Variants in CDH20 observed in about 807,000 individuals in gnomAD.
CDH20 encodes cadherin 20, also known as cadherin-20.
CDH20 carries 29 observed loss-of-function variants against 74.2 expected under a neutral mutation model. The ratio of observed to expected loss-of-function variants is 0.39; its 90% CI spans 0.29 to 0.53. The LOEUF (loss-of-function observed/expected upper bound fraction) is 0.53, where lower values mean the gene tolerates loss of function less well. CDH20 is among the 20% of genes least tolerant of loss of function. The pLI is 0.69. For missense variants in CDH20, 988 were observed against 1,048.3 expected (o/e 0.94, Z 0.79); for synonymous variants, 469 against 405.4 (o/e 1.16, Z -1.88).
chr18:61,547,835 A>G (rs1913305871), intron 10 of CDH20, among the ~76,000 whole-genome samples: 1 of 152,146 alleles, frequency 6.6e-6, no homozygotes, highest in Non-Finnish European at 1.5e-5. Flanking sequence ...AGTGGCTACT[A>G]TATGCCAGGC....
At chr18:61,483,745 A>G (rs1355879116) in intron 1 of CDH20, among the ~76,000 whole-genome samples, 2 of 152,348 alleles carry the variant, frequency 1.3e-5, no homozygotes, top group South Asian at 2.1e-4. Context: ...CAAATGTCTA[A>G]GAGTTTCATA....
intron 1 of CDH20, among the ~76,000 whole-genome samples, chr18:61,349,309 G>T (rs1046283953): frequency 2.0e-5 from 3 of 152,164 alleles, no homozygotes; most frequent in Non-Finnish European, 4.4e-5. Flanking sequence ...CTTTCCCAGG[G>T]AAAACAGAAG....
chr18:61,525,886 A>G (rs954134906), intron 6 of CDH20, among the ~76,000 whole-genome samples: 5 of 151,714 alleles, frequency 3.3e-5, no homozygotes, highest in Admixed American at 2.6e-4. Context: ...AGCTCACTCT[A>G]AACTGAGCTC....
chr18:61,482,467 C>G (rs1428968607), intron 1 of CDH20, among the ~76,000 whole-genome samples: 1 of 152,172 alleles, frequency 6.6e-6, no homozygotes, highest in African/African-American at 2.4e-5. Context: ...CTTCCCTCCC[C>G]TGGATCCTTG....
chr18:61,361,090 A>C (rs1344203005), intron 1 of CDH20, among the ~76,000 whole-genome samples: 2 of 152,228 alleles, frequency 1.3e-5, no homozygotes, highest in Non-Finnish European at 2.9e-5. Flanking sequence ...AACATATGTA[A>C]CAAACCCTGT....
At chr18:61,485,997 C>G (rs980664649) in intron 1 of CDH20, among the ~76,000 whole-genome samples, 1 of 152,086 alleles carries the variant, frequency 6.6e-6, no homozygotes, top group Non-Finnish European at 1.5e-5. Context: ...GGCGTGAACC[C>G]GGGAGGCGGA....
Position 61,378,160 on chromosome 18 carries a change from T to G in CDH20, c.-153+44333T>G, listed in dbSNP as rs558225066. 4.6e-5 allele frequency among the ~76,000 whole-genome samples: 7 copies of G among 152,286 alleles called. No individual in the cohort carries two copies. The South Asian group carries it at 1.2e-3, about 27-fold the overall frequency. ...AGCAGATTAAATACTTGTATGGGCA[T>G]TCTAAATTAAATTTTAATATAATAG... On this transcript the variant is annotated intron_variant, in intron 1 of 11. Transcript: ENST00000262717.
At chr18:61,491,186 T>A (rs1176673177) in intron 2 of CDH20, among the ~76,000 whole-genome samples, 1 of 152,116 alleles carries the variant, frequency 6.6e-6, no homozygotes, top group East Asian at 1.9e-4. Flanking sequence ...GGGGTTTTTT[T>A]CAGAGCATTT....
chr18:61,510,493 T>G (rs1312492872), intron 6 of CDH20, among the ~76,000 whole-genome samples: 1 of 152,202 alleles, frequency 6.6e-6, no homozygotes, highest in Non-Finnish European at 1.5e-5. Context: ...GTAACTCAAG[T>G]TAATGGGTGT....
At chr18:61,512,545 G>A (rs1478450977) in intron 6 of CDH20, among the ~76,000 whole-genome samples, 1 of 131,286 alleles carries the variant, frequency 7.6e-6, no homozygotes, top group Non-Finnish European at 1.7e-5. Flanking sequence ...ACTCTCGTAG[G>A]CACAGTTAGA....
chr18:61,521,886 A>G (rs1174022484), intron 6 of CDH20, among the ~76,000 whole-genome samples: 1 of 152,214 alleles, frequency 6.6e-6, no homozygotes, highest in Non-Finnish European at 1.5e-5. Flanking sequence ...TTCATGCTAA[A>G]AACTCTAAAT....
chr18:61,555,157 C>G lies in CDH20; in HGVS notation c.*462C>G. Reference sequence around the variant, plus strand: ...TGCTGGCTCAAACCACAGAAACCAACCCACAAGAAAGAACAAAAAACTTGT... The same window carrying G: ...TGCTGGCTCAAACCACAGAAACCAAGCCACAAGAAAGAACAAAAAACTTGT... On this transcript the variant is annotated 3_prime_UTR_variant, in exon 12 of 12. Coordinates refer to ENST00000262717, the MANE Select transcript of CDH20 (RefSeq NM_031891.4). 1 of 992,356 alleles carries G rather than the reference C, an allele frequency of 1.0e-6. No homozygotes were observed. Among genetic ancestry groups the G allele is most frequent in the African/African-American group, 1.7e-5 (1 of 57,500 alleles). The allele number at this position is 992,356 out of a possible 1,614,324, so 61.5% of individuals were successfully genotyped here.
intron 1 of CDH20, among the ~76,000 whole-genome samples, chr18:61,449,606 T>A (rs1456473674): frequency 1.3e-5 from 2 of 152,100 alleles, no homozygotes; most frequent in Non-Finnish European, 1.5e-5. Context: ...TTGTATGGCT[T>A]CCACTTACAG....
At chr18:61,382,369 C>A (rs187590858) in intron 1 of CDH20, among the ~76,000 whole-genome samples, 1 of 152,046 alleles carries the variant, frequency 6.6e-6, no homozygotes, top group South Asian at 2.1e-4. Flanking sequence ...AAAAGTAGAA[C>A]GAGAAAAGGG....
At chr18:61,488,922 AAG>A (rs1012539564) in intron 1 of CDH20, among the ~76,000 whole-genome samples, 3 of 152,150 alleles carry the variant, frequency 2.0e-5, no homozygotes, top group Non-Finnish European at 4.4e-5. Context: ...CACCAGTCCA[AAG>A]AGAGAGAGAA....
chr18:61,554,080 C>G lies in CDH20; in HGVS notation c.1901-110C>G, dbSNP rs542288511. 1.1e-3 allele frequency: 1,449 copies of G among 1,329,296 alleles called. 1 individual carries two copies. Among genetic ancestry groups the G allele is most frequent in the Non-Finnish European group, 1.4e-3 (1,310 of 966,676 alleles). The allele number at this position is 1,329,296 out of a possible 1,614,324, so 82.3% of individuals were successfully genotyped here. ...GATATCCAAAAGCTATCTCTGAGCC[C>G]TCCACTCGGTAGCCCTTCCCCTATC... On this transcript the variant is annotated intron_variant, in intron 11 of 11. Coordinates refer to ENST00000262717, the MANE Select transcript of CDH20 (RefSeq NM_031891.4).
chr18:61,498,224 AC>A (rs1911239588), intron 2 of CDH20, among the ~76,000 whole-genome samples: 1 of 151,826 alleles, frequency 6.6e-6, no homozygotes, highest in Non-Finnish European at 1.5e-5. Flanking sequence ...ACGTGGCCAA[AC>A]CCCCACTCTA....
intron 1 of CDH20, among the ~76,000 whole-genome samples, chr18:61,471,304 T>C (rs1036452158): frequency 2.6e-5 from 4 of 152,206 alleles, no homozygotes; most frequent in African/African-American, 9.6e-5. Flanking sequence ...CCAGTGATAA[T>C]TGTTCCACCT....
At chr18:61,444,634 G>A (rs775769098) in intron 1 of CDH20, among the ~76,000 whole-genome samples, 24 of 152,150 alleles carry the variant, frequency 1.6e-4, no homozygotes, top group Non-Finnish European at 1.3e-4. Flanking sequence ...GAGGGCTGCC[G>A]GAGAGGTGCA....
Sources: allele counts gnomAD v4.1 joint callset (sites outside exome capture counted in the v4.1 genomes callset), GRCh38; gene constraint gnomAD v4.1.1; transcripts MANE v1.5; gene names NCBI Gene and HGNC (gene_info 2026-07-23, HGNC 2026-07-21).